RNPC3: variants seen among roughly 807,000 people sequenced by gnomAD.
RNPC3 encodes the protein RNA-binding region-containing protein 3.
Under a neutral mutation model 67.5 loss-of-function variants are expected in RNPC3, and 48 were observed. The ratio of observed to expected loss-of-function variants is 0.71; its 90% CI spans 0.56 to 0.90. RNPC3 has a LOEUF of 0.90. Ranked by LOEUF, RNPC3 falls within the 40% of genes least tolerant of loss-of-function variation. The pLI is 0.00. For missense variants in RNPC3, 637 were observed against 626.1 expected, an observed-to-expected ratio of 1.02 and a Z score of -0.19; for synonymous variants, 239 against 210.3, an observed-to-expected ratio of 1.14 and a Z score of -1.18.
At chr1:103,528,129 C>T (rs1323095909) in intron 2 of RNPC3, among the ~76,000 whole-genome samples, 1 of 152,088 alleles carries the variant, frequency 6.6e-6, no homozygotes, top group East Asian at 1.9e-4. Context: ...CAGAAGGAAA[C>T]AAGTGGAGAT....
Position 103,541,526 on chromosome 1 carries a change from A to C in RNPC3, c.893+51A>C, listed in dbSNP as rs532216602. ...AGGGTTGTCTGTATGTACTTTGTTT[A>C]CTTGCTTAATTCACATCATTCTTCA... On this transcript the variant is annotated intron_variant, in intron 8 of 14. Coordinates refer to ENST00000423855, the MANE Select transcript of RNPC3 (RefSeq NM_017619.4). 1.7e-5 allele frequency: 25 copies of C among 1,434,226 alleles called. No individual in the cohort carries two copies. In the African/African-American group the frequency reaches 3.1e-4, roughly 18 times the overall value. The allele number at this position is 1,434,226 out of a possible 1,614,324, so 88.8% of individuals were successfully genotyped here.
At chr1:103,550,872 A>G in intron 12 of RNPC3, 69 bp from the exon 13 acceptor site, 4 of 1,476,490 alleles carry the variant, frequency 2.7e-6, no homozygotes, top group South Asian at 1.2e-5. Flanking sequence ...AAAATGTTAG[A>G]TTATTCAACA....
chr1:103,543,595 T>A, intron 9 of RNPC3, 148 bp downstream of exon 9: 1 of 580,194 alleles, frequency 1.7e-6, no homozygotes, highest in South Asian at 3.0e-5. Flanking sequence ...TAATATCCGC[T>A]TTCAACTTTT....
Position 103,541,368 on chromosome 1 carries a change from A to G in RNPC3, c.786A>G (p.Glu262=). The change falls in exon 8 of 15, where the codon GAA becomes GAG. Residue 262 remains glutamate, a synonymous_variant. Transcript: ENST00000423855. ...ATTGTAGAATGAACAAATTAATGGA[A>G]CTAGCAAATCTTCAGCCCAAAAGAC... ...EDRQRMNKLM[E]LANLQPKRPK... The G allele has an allele frequency of 6.6e-7, 1 of 1,505,376 alleles. No individual in the cohort carries two copies. The highest frequency in any genetic ancestry group is 8.8e-7 in the Non-Finnish European group (1 of 1,135,842). 93.3% of individuals were successfully genotyped at this position (1,505,376 alleles called of 1,614,324 possible).
chr1:103,545,243 C>T, intron 10 of RNPC3, 141 bp downstream of exon 10: 1 of 640,626 alleles, frequency 1.6e-6, no homozygotes. Flanking sequence ...TTTGTAATCA[C>T]TTCTTCTGTT....
chr1:103,543,907 A>G (rs142153070), intron 9 of RNPC3, among the ~76,000 whole-genome samples: 132 of 151,858 alleles, frequency 8.7e-4, no homozygotes, highest in African/African-American at 2.9e-3. Flanking sequence ...TGCCAAGAAT[A>G]CTATTCTTAA....
intron 1 of RNPC3, among the ~76,000 whole-genome samples, chr1:103,526,925 T>C (rs1439379281): frequency 6.6e-6 from 1 of 152,128 alleles, no homozygotes; most frequent in Non-Finnish European, 1.5e-5. Context: ...TTTCCCTAGG[T>C]GATTTTAATG....
Position 103,526,050 on chromosome 1 carries a change from G to A in RNPC3, c.-21G>A, listed in dbSNP as rs1017810421. 4 of 1,503,076 alleles carry A rather than the reference G, an allele frequency of 2.7e-6. No homozygotes were observed. The East Asian group carries it at 7.7e-5, about 29-fold the overall frequency. The allele number at this position is 1,503,076 out of a possible 1,614,324, so 93.1% of individuals were successfully genotyped here. A position where few individuals can be genotyped will look rare whatever the true frequency, so the allele number is the denominator to read the frequency against. ...ACTGAGACTTCTTCCCACGATTTCT[G>A]TTTTTGCTTCTCCAAGGAAAATGGC... On this transcript the variant is annotated 5_prime_UTR_variant, in exon 1 of 15. Transcript: ENST00000423855.
At chr1:103,531,417 A>C (rs145288444) in intron 2 of RNPC3, among the ~76,000 whole-genome samples, 1 of 152,274 alleles carries the variant, frequency 6.6e-6, no homozygotes, top group African/African-American at 2.4e-5. Context: ...TCTTTAAGGA[A>C]TCTCCACACT....
chr1:103,546,358 T>C lies in RNPC3; in HGVS notation c.1302+16T>C, dbSNP rs1651243937. The C allele has an allele frequency of 1.7e-6, 2 of 1,208,702 alleles. No homozygotes were observed. The highest frequency in any genetic ancestry group is 2.2e-6 in the Non-Finnish European group (2 of 889,150). 74.9% of individuals were successfully genotyped at this position (1,208,702 alleles called of 1,614,324 possible). A position where few individuals can be genotyped will look rare whatever the true frequency, so the allele number is the denominator to read the frequency against. ...TCAAGAAAAGGTAGGTATAAATTGA[T>C]TTTTTTTCATGTAAATGAAAATAAT... On this transcript the variant is annotated intron_variant, in intron 11 of 14. Coordinates refer to ENST00000423855, the MANE Select transcript of RNPC3 (RefSeq NM_017619.4).
In RNPC3 at chr1:103,534,864, A is replaced by AT; in HGVS notation, c.443+12dup. ...GAATTGCACCAAACCATGGGTTAGC[A>AT]TTTTTGTTTGCTTTTCTTTTGCTTT... On this transcript the variant is annotated splice_region_variant and intron_variant, in intron 4 of 14. Transcript: ENST00000423855. 6.6e-7 allele frequency: 1 copy of AT among 1,511,084 alleles called. No individual in the cohort carries two copies. The highest frequency in any genetic ancestry group is 8.8e-7 in the Non-Finnish European group (1 of 1,130,174). The allele number at this position is 1,511,084 out of a possible 1,614,324, so 93.6% of individuals were successfully genotyped here. A position where few individuals can be genotyped will look rare whatever the true frequency, so the allele number is the denominator to read the frequency against.
At chr1:103,542,159 T>C (rs1181304329) in intron 8 of RNPC3, among the ~76,000 whole-genome samples, 1 of 151,998 alleles carries the variant, frequency 6.6e-6, no homozygotes, top group Non-Finnish European at 1.5e-5. Flanking sequence ...GCAATTATAA[T>C]ACATGACATA....
Position 103,541,354 on chromosome 1 carries a change from A to G in RNPC3, c.772A>G (p.Asn258Asp). ...TCATCCCTCTCCTCATTGTAGAATG[A>G]ACAAATTAATGGAACTAGCAAATCT... Reference protein sequence around the residue: ...STDDEDRQRMNKLMELANLQP... With the variant: ...STDDEDRQRMDKLMELANLQP... Residue 258 changes from asparagine (N) to aspartate (D), a missense_variant, in exon 8 of 15, where the codon AAC (asparagine) becomes GAC (aspartate). Coordinates refer to ENST00000423855, the MANE Select transcript of RNPC3 (RefSeq NM_017619.4). 1 of 1,507,538 alleles carries G rather than the reference A, an allele frequency of 6.6e-7. No homozygotes were observed. The highest frequency in any genetic ancestry group is 8.8e-7 in the Non-Finnish European group (1 of 1,136,382). 93.4% of individuals were successfully genotyped at this position (1,507,538 alleles called of 1,614,324 possible). A position where few individuals can be genotyped will look rare whatever the true frequency, so the allele number is the denominator to read the frequency against.
chr1:103,543,325 A>G lies in RNPC3; in HGVS notation c.923A>G (p.Asp308Gly), dbSNP rs1466634522. 29 of 1,499,060 alleles carry G rather than the reference A, an allele frequency of 1.9e-5. No individual in the cohort carries two copies. The highest frequency in any genetic ancestry group is 2.3e-5 in the Non-Finnish European group (26 of 1,130,958). 92.9% of individuals were successfully genotyped at this position (1,499,060 alleles called of 1,614,324 possible). ...SSLHPVLLPSDVFDQPQPVGN... is the reference protein window; with the variant it reads ...SSLHPVLLPSGVFDQPQPVGN... ...TTACATCCAGTGCTGTTACCTTCAG[A>G]TGTATTTGACCAACCACAACCTGTA... Residue 308 changes from aspartate to glycine, a missense_variant, in exon 9 of 15, where the codon GAT (aspartate) becomes GGT (glycine). Coordinates refer to ENST00000423855, the MANE Select transcript of RNPC3 (RefSeq NM_017619.4).
At position 103,545,108 on chromosome 1, in the gene RNPC3, G is replaced by C. The variant is rs1391486499; in HGVS notation, c.1207+6G>C. The C allele has an allele frequency of 1.3e-6, 2 of 1,527,632 alleles. No individual in the cohort carries two copies. The highest frequency in any genetic ancestry group is 4.0e-5 in the Admixed American group (2 of 49,550). 94.6% of individuals were successfully genotyped at this position (1,527,632 alleles called of 1,614,324 possible). ...GGGCAGAATTTCTAGAGAAGGTAATGTCACGAAATAAACTAAGCACATATT... is the reference window on the plus strand; with the variant it reads ...GGGCAGAATTTCTAGAGAAGGTAATCTCACGAAATAAACTAAGCACATATT... On this transcript the variant is annotated splice_donor_region_variant and intron_variant, in intron 10 of 14. Coordinates refer to ENST00000423855, the MANE Select transcript of RNPC3 (RefSeq NM_017619.4).
chr1:103,530,932 T>G (rs1216494005), intron 2 of RNPC3, among the ~76,000 whole-genome samples: 1 of 152,186 alleles, frequency 6.6e-6, no homozygotes, highest in African/African-American at 2.4e-5. Flanking sequence ...GAGATTTTGA[T>G]GTACCTGTCA....
At chr1:103,546,075 ATTAG>A (rs1466466909) in intron 10 of RNPC3, 169 bp from the exon 11 acceptor site, 2 of 351,884 alleles carry the variant, frequency 5.7e-6, no homozygotes, top group African/African-American at 4.3e-5. Flanking sequence ...ATTGTTACTA[ATTAG>A]TTCATATGAA....
chr1:103,546,285 G>A lies in RNPC3; in HGVS notation c.1245G>A (p.Pro415=), dbSNP rs752091409. The A allele has an allele frequency of 1.2e-5, 18 of 1,469,806 alleles. No homozygotes were observed. The highest frequency in any genetic ancestry group is 9.8e-5 in the South Asian group (7 of 71,644). 91.0% of individuals were successfully genotyped at this position (1,469,806 alleles called of 1,614,324 possible). A position where few individuals can be genotyped will look rare whatever the true frequency, so the allele number is the denominator to read the frequency against. Residue 415 remains proline (P), a synonymous_variant, in exon 11 of 15, where the codon CCG becomes CCA. Coordinates refer to ENST00000423855, the MANE Select transcript of RNPC3 (RefSeq NM_017619.4). ...TTTCAGTTTTCAGAAGTTATGAACC[G>A]GGTGAACCAAACTGTAGAATTTATG... ...ETLSVFRSYE[P]GEPNCRIYVK... is the part of the protein sequence containing the mutation.
At chr1:103,529,388 T>G (rs1458319867) in intron 2 of RNPC3, among the ~76,000 whole-genome samples, 6 of 152,176 alleles carry the variant, frequency 3.9e-5, no homozygotes, top group Non-Finnish European at 8.8e-5. Flanking sequence ...AGTCATTGTC[T>G]TTGGAAATGT....
Sources: allele counts gnomAD v4.1 joint callset (sites outside exome capture counted in the v4.1 genomes callset), GRCh38; gene constraint gnomAD v4.1.1; transcripts MANE v1.5; gene names NCBI Gene and HGNC (gene_info 2026-07-23, HGNC 2026-07-21).